SUGCT: variants seen among roughly 807,000 people sequenced by gnomAD.
SUGCT encodes succinyl-CoA:glutarate-CoA transferase.
In SUGCT, 41 loss-of-function variants were observed where a neutral mutation model predicts 55.0. The observed-to-expected ratio is 0.74, with a 90% CI of 0.58 to 0.97. SUGCT has a LOEUF of 0.97. SUGCT is among the 50% of genes least tolerant of loss of function. SUGCT has a pLI of 0.00. For missense variants in SUGCT, 568 were observed against 547.8 expected, an observed-to-expected ratio of 1.04 and a Z score of -0.37; for synonymous variants, 187 against 200.4, an observed-to-expected ratio of 0.93 and a Z score of 0.56.
intron 13 of SUGCT, among the ~76,000 whole-genome samples, chr7:40,755,849 C>T (rs1488174425): frequency 1.3e-5 from 2 of 152,162 alleles, no homozygotes; most frequent in Non-Finnish European, 2.9e-5. Context: ...AATTGAATTG[C>T]TTCTGCCTGC....
At chr7:40,326,999 A>T (rs1238271940) in intron 9 of SUGCT, among the ~76,000 whole-genome samples, 1 of 152,166 alleles carries the variant, frequency 6.6e-6, no homozygotes, top group African/African-American at 2.4e-5. Context: ...ATATTTGGAG[A>T]TTTATTGGGA....
chr7:40,273,666 A>C (rs1254250572), intron 7 of SUGCT, among the ~76,000 whole-genome samples: 1 of 152,216 alleles, frequency 6.6e-6, no homozygotes, highest in African/African-American at 2.4e-5. Flanking sequence ...TATAATTTCA[A>C]GAATACAAGC....
intron 8 of SUGCT, among the ~76,000 whole-genome samples, chr7:40,294,437 C>T (rs1250611328): frequency 6.6e-6 from 1 of 152,156 alleles, no homozygotes; most frequent in East Asian, 1.9e-4. Context: ...ATTCCAATGG[C>T]CATAGACATG....
intron 9 of SUGCT, among the ~76,000 whole-genome samples, chr7:40,444,336 C>T (rs1198052212): frequency 7.2e-5 from 11 of 151,966 alleles, no homozygotes; most frequent in Non-Finnish European, 1.2e-4. Flanking sequence ...TTCATGTTAT[C>T]GATTCTTCCT....
intron 8 of SUGCT, among the ~76,000 whole-genome samples, chr7:40,286,166 T>C (rs1398381465): frequency 2.6e-5 from 4 of 152,206 alleles, no homozygotes; most frequent in Admixed American, 6.5e-5. Context: ...GTTTCTTGCC[T>C]CATGGAACTT....
intron 9 of SUGCT, among the ~76,000 whole-genome samples, chr7:40,332,613 T>C (rs1273987189): frequency 6.6e-6 from 1 of 152,176 alleles, no homozygotes; most frequent in Non-Finnish European, 1.5e-5. Flanking sequence ...TCAGTCCTAG[T>C]TCAAAGAAGC....
At position 40,791,732 on chromosome 7, in the gene SUGCT, T is replaced by G. The variant is rs577161767; in HGVS notation, c.1153+42235T>G. 9.2e-4 allele frequency among the ~76,000 whole-genome samples: 140 copies of G among 152,336 alleles called. 1 individual carries two copies. Among genetic ancestry groups the G allele is most frequent in the East Asian group, 1.4e-3 (7 of 5,184 alleles). On this transcript the variant is annotated intron_variant, in intron 13 of 13. Coordinates refer to ENST00000335693, the MANE Select transcript of SUGCT (RefSeq NM_001193313.2). ...GAAATATTATTTCTGGATTTACATT[T>G]TGTCTTATTTCAGTCCAAATTCCTA... is the stretch of plus-strand genomic sequence containing the variant.
the SUGCT span, among the ~76,000 whole-genome samples, chr7:40,930,161 C>T: frequency 1.3e-5 from 2 of 152,118 alleles, no homozygotes; most frequent in African/African-American, 4.8e-5. Context: ...TTCCCAGCAC[C>T]ATTTATTAAA....
rs943274493 is a variant in SUGCT at position 40,501,189 on chromosome 7, T to C, written c.1089+4803T>C. Among the ~76,000 whole-genome samples, 3 of 152,212 alleles carry C rather than the reference T, an allele frequency of 2.0e-5. No individual in the cohort carries two copies. The East Asian group carries it at 5.8e-4, about 29-fold the overall frequency. On this transcript the variant is annotated intron_variant, in intron 12 of 13. Transcript: ENST00000335693. ...TTTTATGTGTGTCTCTGAATATACA[T>C]GACACATTCAACTGATGTACAAATT...
chr7:40,858,512 A>G (rs188900535), intron 13 of SUGCT, among the ~76,000 whole-genome samples: 25 of 152,182 alleles, frequency 1.6e-4, no homozygotes, highest in Admixed American at 1.5e-3. Context: ...AAGTCACATG[A>G]CATTGACTTC....
At chr7:40,344,594 G>A (rs1021639366) in intron 9 of SUGCT, among the ~76,000 whole-genome samples, 3 of 152,246 alleles carry the variant, frequency 2.0e-5, no homozygotes, top group South Asian at 2.1e-4. Flanking sequence ...CTAAAATAAC[G>A]GAGTTGAGCA....
intron 12 of SUGCT, among the ~76,000 whole-genome samples, chr7:40,697,836 C>T (rs753802451): frequency 3.9e-5 from 6 of 152,312 alleles, no homozygotes; most frequent in Middle Eastern, 3.4e-3. Context: ...CTCAATCATT[C>T]AGCTAGTCAG....
intron 1 of SUGCT, among the ~76,000 whole-genome samples, chr7:40,139,181 C>A (rs1342475444): frequency 6.9e-6 from 1 of 144,804 alleles, no homozygotes; most frequent in Non-Finnish European, 1.5e-5. Flanking sequence ...TAAATAAATC[C>A]AGGATTCATA....
At chr7:40,644,926 G>A (rs1281891724) in intron 12 of SUGCT, among the ~76,000 whole-genome samples, 1 of 152,124 alleles carries the variant, frequency 6.6e-6, no homozygotes, top group Non-Finnish European at 1.5e-5. Flanking sequence ...TCCCTCAACC[G>A]CACTGTGGCT....
chr7:40,750,640 C>T (rs188838674), intron 13 of SUGCT, among the ~76,000 whole-genome samples: 65 of 151,860 alleles, frequency 4.3e-4, no homozygotes, highest in African/African-American at 1.1e-3. Flanking sequence ...TGACCACTCG[C>T]GCATGAAAAG....
intron 9 of SUGCT, among the ~76,000 whole-genome samples, chr7:40,436,079 A>C: frequency 6.6e-6 from 1 of 151,530 alleles, no homozygotes; most frequent in East Asian, 1.9e-4. Flanking sequence ...GAGTAGCCAG[A>C]CTACAGGTGC....
chr7:40,177,898 C>T (rs1785004509), intron 1 of SUGCT, among the ~76,000 whole-genome samples: 1 of 152,142 alleles, frequency 6.6e-6, no homozygotes, highest in African/African-American at 2.4e-5. Context: ...AACTGGTGCT[C>T]CTCGCCACAC....
At chr7:40,367,013 C>T (rs1025949319) in intron 9 of SUGCT, among the ~76,000 whole-genome samples, 4 of 152,102 alleles carry the variant, frequency 2.6e-5, no homozygotes, top group African/African-American at 9.7e-5. Flanking sequence ...TTGGAACCAA[C>T]CCAAATGTCC....
At chr7:40,467,204 G>GAGA (rs1554345303) in intron 11 of SUGCT, among the ~76,000 whole-genome samples, 4 of 83,622 alleles carry the variant, frequency 4.8e-5, no homozygotes, top group African/African-American at 8.5e-5. Context: ...CTAAGAAAAA[G>GAGA]AAAAAAAAAA....
Sources: gnomAD v4.1 joint callset for allele counts (sites outside exome capture counted in the v4.1 genomes callset) on GRCh38, gnomAD v4.1.1 for gene constraint, MANE v1.5 for transcripts, NCBI Gene and HGNC (gene_info 2026-07-23, HGNC 2026-07-21) for gene names.